The following GAS2 variants were observed in gnomAD, a reference collection of about 807,000 sequenced individuals.
The protein encoded by GAS2 is growth arrest specific 2, also known as growth arrest-specific protein 2.
In GAS2, 20 loss-of-function variants were observed where a neutral mutation model predicts 37.5. The ratio of observed to expected loss-of-function variants is 0.53; its 90% CI spans 0.37 to 0.77. GAS2 has a LOEUF of 0.77. GAS2 is among the 30% of genes least tolerant of loss of function. The probability of loss-of-function intolerance (pLI) is 0.00; values close to 1 mark genes in which losing one functional copy is unlikely to be tolerated. For synonymous variants in GAS2, 144 were observed against 132.2 expected, an observed-to-expected ratio of 1.09 and a Z score of -0.61; for missense variants, 336 against 373.4, an observed-to-expected ratio of 0.90 and a Z score of 0.82.
In GAS2 at chr11:22,751,700, T is replaced by C. The variant is rs961560660; in HGVS notation, c.615+2439T>C. Among the ~76,000 whole-genome samples, 3 of 151,990 alleles carry C rather than the reference T, an allele frequency of 2.0e-5. No homozygotes were observed. In the East Asian group the frequency reaches 5.8e-4, roughly 29 times the overall value. On this transcript the variant is annotated intron_variant, in intron 6 of 7. Coordinates refer to ENST00000454584, the MANE Select transcript of GAS2 (RefSeq NM_001143830.3). Reference sequence around the variant, plus strand: ...CTAGAAGTAGCTAGGATGATTTTCTTTCTTCACTAGCTTGTCCCCTATCTG... The same window carrying C: ...CTAGAAGTAGCTAGGATGATTTTCTCTCTTCACTAGCTTGTCCCCTATCTG...
intron 7 of GAS2, among the ~76,000 whole-genome samples, chr11:22,766,123 C>T (rs1203214501): frequency 5.3e-5 from 8 of 152,320 alleles, no homozygotes; most frequent in East Asian, 3.9e-4. Context: ...TTCAACATTG[C>T]GGATTACATT....
At chr11:22,660,223 T>C (rs1221064432) in intron 1 of GAS2, among the ~76,000 whole-genome samples, 1 of 152,028 alleles carries the variant, frequency 6.6e-6, no homozygotes, top group Non-Finnish European at 1.5e-5. Flanking sequence ...CAACAAACCA[T>C]GAAGCCACTG....
At chr11:22,787,428 C>T (rs987875564) in intron 7 of GAS2, among the ~76,000 whole-genome samples, 4 of 151,792 alleles carry the variant, frequency 2.6e-5, no homozygotes, top group Non-Finnish European at 4.4e-5. Context: ...CAATTATATG[C>T]GATATATGCA....
At chr11:22,627,869 G>T (rs1858685732) in intron 1 of GAS2, among the ~76,000 whole-genome samples, 2 of 151,960 alleles carry the variant, frequency 1.3e-5, no homozygotes, top group Non-Finnish European at 2.9e-5. Context: ...AGCCTTCAAG[G>T]CTACAGGAAT....
rs145339118 is a variant in GAS2, at chr11:22,711,838, G to A, written c.268-14454G>A. On this transcript the variant is annotated intron_variant, in intron 3 of 7. Coordinates refer to ENST00000454584, the MANE Select transcript of GAS2 (RefSeq NM_001143830.3). The stretch of plus-strand genomic sequence containing the variant: ...AAGCCACCCCAAAAACCCCCACAGT[G>A]GCTGCAGCAAGCCCTGCCCAAGGAG... Among the ~76,000 whole-genome samples the A allele has an allele frequency of 9.8e-4, 149 of 152,218 alleles. 2 individuals carry two copies. Among genetic ancestry groups the A allele is most frequent in the African/African-American group, 2.9e-3 (119 of 41,536 alleles).
intron 7 of GAS2, among the ~76,000 whole-genome samples, chr11:22,783,310 T>G (rs1194459248): frequency 1.3e-5 from 2 of 152,186 alleles, no homozygotes; most frequent in Non-Finnish European, 2.9e-5. Context: ...GCCTGTTGAA[T>G]TCTTTAAGTT....
chr11:22,729,047 A>T (rs337453), intron 4 of GAS2, among the ~76,000 whole-genome samples: 27,316 of 150,260 alleles, frequency 0.18, 2,729 homozygotes, highest in East Asian at 0.43. Flanking sequence ...TTTTTTTTTA[A>T]CCTCAAGATT....
intron 3 of GAS2, among the ~76,000 whole-genome samples, chr11:22,705,494 G>T (rs1437796365): frequency 6.6e-6 from 1 of 152,138 alleles, no homozygotes; most frequent in African/African-American, 2.4e-5. Flanking sequence ...ATAAATAAAA[G>T]AAGACTAAAG....
chr11:22,649,992 T>A (rs1431768121), intron 1 of GAS2, among the ~76,000 whole-genome samples: 9 of 152,116 alleles, frequency 5.9e-5, no homozygotes, highest in Non-Finnish European at 7.4e-5. Context: ...CTTTTCTAGT[T>A]CTTTTAATTG....
intron 7 of GAS2, among the ~76,000 whole-genome samples, chr11:22,793,307 T>C (rs1295221911): frequency 6.6e-6 from 1 of 152,000 alleles, no homozygotes; most frequent in African/African-American, 2.4e-5. Flanking sequence ...ATTAAAAAAA[T>C]TTTAAAAAGA....
intron 1 of GAS2, among the ~76,000 whole-genome samples, chr11:22,630,540 G>A (rs1291897390): frequency 2.6e-5 from 4 of 152,118 alleles, no homozygotes; most frequent in Non-Finnish European, 5.9e-5. Context: ...GAAAATTTTT[G>A]CAGTCTACTC....
intron 1 of GAS2, among the ~76,000 whole-genome samples, chr11:22,669,658 T>A (rs1849124927): frequency 6.6e-6 from 1 of 152,202 alleles, no homozygotes; most frequent in Non-Finnish European, 1.5e-5. Flanking sequence ...CCTCTTAGGC[T>A]ACCAACCCCT....
chr11:22,674,951 A>T lies in GAS2; in HGVS notation c.82A>T (p.Arg28Ter). 1 of 1,613,974 alleles carries T rather than the reference A, an allele frequency of 6.2e-7. No individual in the cohort carries two copies. The change falls in exon 2 of 8, where the codon AGA becomes TGA. Residue 28 changes from arginine to a stop codon, truncating the protein, a stop_gained. Transcript: ENST00000454584. LOFTEE classifies it high-confidence loss of function. ...MHQYSQWLASRHEANLLPMKE... is the reference protein window; with the variant it reads ...MHQYSQWLAS ...TCAGTATAGCCAATGGCTAGCCAGC[A>T]GACATGAAGCTAATTTGCTACCAAT...
intron 7 of GAS2, among the ~76,000 whole-genome samples, chr11:22,800,839 T>G (rs1014445177): frequency 1.3e-5 from 2 of 152,098 alleles, no homozygotes; most frequent in African/African-American, 4.8e-5. Flanking sequence ...CATTTCCTGT[T>G]GGGTAGTTTT....
chr11:22,706,954 G>A (rs949460948), intron 3 of GAS2, among the ~76,000 whole-genome samples: 9 of 152,110 alleles, frequency 5.9e-5, no homozygotes, highest in Admixed American at 1.3e-4. Flanking sequence ...CCCACCAACA[G>A]TGTAAAAGTG....
intron 5 of GAS2, among the ~76,000 whole-genome samples, chr11:22,742,270 A>G (rs1375265812): frequency 1.3e-5 from 2 of 152,010 alleles, no homozygotes; most frequent in East Asian, 3.9e-4. Flanking sequence ...AACAACAGCT[A>G]CCCCATTCTA....
chr11:22,715,265 C>T (rs2134104470), intron 3 of GAS2, among the ~76,000 whole-genome samples: 1 of 151,678 alleles, frequency 6.6e-6, no homozygotes, highest in Non-Finnish European at 1.5e-5. Flanking sequence ...TTCAAGACCA[C>T]CATGAACAAC....
intron 3 of GAS2, among the ~76,000 whole-genome samples, chr11:22,698,152 A>G (rs1354958224): frequency 6.6e-6 from 1 of 152,230 alleles, no homozygotes; most frequent in East Asian, 1.9e-4. Flanking sequence ...AGAGAGAAGA[A>G]TCAAATAGAT....
At chr11:22,674,781 T>C (rs1849349035) in intron 1 of GAS2, 69 bp from the exon 2 acceptor site, 11 of 1,219,256 alleles carry the variant, frequency 9.0e-6, no homozygotes, top group Non-Finnish European at 1.3e-5. Flanking sequence ...TTCATTATAA[T>C]GTCATGATGA....
Sources: allele counts gnomAD v4.1 joint callset (sites outside exome capture counted in the v4.1 genomes callset), GRCh38; gene constraint gnomAD v4.1.1; transcripts MANE v1.5; gene names NCBI Gene and HGNC (gene_info 2026-07-23, HGNC 2026-07-21).